JPH2: variants seen among roughly 807,000 people sequenced by gnomAD.
The protein encoded by JPH2 is junctophilin-2.
JPH2 carries 38 observed loss-of-function variants against 55.9 expected under a neutral mutation model. The ratio of observed to expected loss-of-function variants is 0.68; its 90% CI spans 0.52 to 0.89. JPH2 has a LOEUF of 0.89. Ranked by LOEUF, JPH2 falls within the 40% of genes least tolerant of loss-of-function variation. The pLI, the probability that JPH2 is intolerant of heterozygous loss-of-function variation, is 0.00. For missense variants in JPH2, 964 were observed against 1,037.6 expected (o/e 0.93, Z 0.97); for synonymous variants, 480 against 472.4 (o/e 1.02, Z -0.21).
At chr20:44,165,297 A>AAC (rs1555859300) in intron 1 of JPH2, among the ~76,000 whole-genome samples, 4 of 149,414 alleles carry the variant, frequency 2.7e-5, no homozygotes, top group Non-Finnish European at 5.9e-5. Context: ...TCAGGAAAAA[A>AAC]AAAAACAAAA....
At chr20:44,169,078 C>T (rs528823036) in intron 1 of JPH2, among the ~76,000 whole-genome samples, 11 of 152,110 alleles carry the variant, frequency 7.2e-5, no homozygotes, top group Non-Finnish European at 1.6e-4. Context: ...GCCTGAGGCC[C>T]TTATCAGAGG....
intron 2 of JPH2, among the ~76,000 whole-genome samples, chr20:44,120,273 G>A (rs899021623): frequency 6.6e-6 from 1 of 152,138 alleles, no homozygotes; most frequent in East Asian, 1.9e-4. Flanking sequence ...ATGATTGCAT[G>A]GAGCAAAGCC....
At chr20:44,114,945 C>T in intron 4 of JPH2, 69 bp from the exon 5 acceptor site, 1 of 1,224,428 alleles carries the variant, frequency 8.2e-7, no homozygotes, top group Non-Finnish European at 1.2e-6. Flanking sequence ...CAGGTCACAG[C>T]AAGGCTGGAC....
chr20:44,177,897 C>T (rs2072747798), intron 1 of JPH2: 30 of 1,579,700 alleles, frequency 1.9e-5, no homozygotes, highest in Non-Finnish European at 2.4e-5. Flanking sequence ...TTCCTATGTG[C>T]CAGGCATGAT....
intron 2 of JPH2, among the ~76,000 whole-genome samples, chr20:44,125,735 C>T (rs1477837288): frequency 2.0e-5 from 3 of 152,168 alleles, no homozygotes; most frequent in Admixed American, 6.5e-5. Context: ...GTAACTCTGG[C>T]CAGATTGCCC....
At chr20:44,140,213 CTCTTAGGGCA>C (rs2072445563) in intron 2 of JPH2, among the ~76,000 whole-genome samples, 1 of 152,146 alleles carries the variant, frequency 6.6e-6, no homozygotes, top group Admixed American at 6.5e-5. Flanking sequence ...CCAGTAGGGC[CTCTTAGGGCA>C]GGCTTTCTGC....
rs529437119 is a variant in JPH2 at position 44,171,925 on chromosome 20, C to T, written c.380-11518G>A. On this transcript the variant is annotated intron_variant, in intron 1 of 5. Transcript: ENST00000372980. ...GTCTGACTCGCCCACCACAGCATCC[C>T]CAGCACTCCATGCAGGGACTCACAC... Among the ~76,000 whole-genome samples the T allele has an allele frequency of 2.0e-5, 3 of 152,330 alleles. No individual in the cohort carries two copies. The South Asian group carries it at 6.2e-4, about 32-fold the overall frequency.
At chr20:44,123,912 G>C (rs1477220115) in intron 2 of JPH2, among the ~76,000 whole-genome samples, 2 of 152,136 alleles carry the variant, frequency 1.3e-5, no homozygotes, top group East Asian at 3.9e-4. Flanking sequence ...TTAGCACCAG[G>C]GTCCCTCCCT....
chr20:44,133,559 C>T lies in JPH2; in HGVS notation c.1170-14936G>A, dbSNP rs917145947. On this transcript the variant is annotated intron_variant, in intron 2 of 5. Coordinates refer to ENST00000372980, the MANE Select transcript of JPH2 (RefSeq NM_020433.5). ...AAGCCGCATCACCAGCACCTTTGCT[C>T]ACTGGCTTCCAGTGTGCCCAGCCGA... Among the ~76,000 whole-genome samples, 3 of 151,966 alleles carry T rather than the reference C, an allele frequency of 2.0e-5. No individual in the cohort carries two copies. The East Asian group carries it at 5.8e-4, about 29-fold the overall frequency.
chr20:44,153,483 A>C (rs2072544879), intron 2 of JPH2, among the ~76,000 whole-genome samples: 1 of 152,214 alleles, frequency 6.6e-6, no homozygotes, highest in Non-Finnish European at 1.5e-5. Context: ...CAACTCAAAA[A>C]ACCAACTCTA....
At chr20:44,125,882 G>C in intron 2 of JPH2, among the ~76,000 whole-genome samples, 1 of 152,142 alleles carries the variant, frequency 6.6e-6, no homozygotes, top group East Asian at 1.9e-4. Context: ...TCAGAACACA[G>C]GAAGTGCTAC....
intron 1 of JPH2, among the ~76,000 whole-genome samples, chr20:44,175,805 A>G (rs2072729176): frequency 6.6e-6 from 1 of 152,222 alleles, no homozygotes. Flanking sequence ...GCCTTGGGTC[A>G]GCTCAGCAAC....
intron 2 of JPH2, among the ~76,000 whole-genome samples, chr20:44,149,965 A>G (rs944895018): frequency 7.2e-4 from 9 of 12,542 alleles, no homozygotes; most frequent in South Asian, 2.6e-3. Flanking sequence ...CGACAGAGGA[A>G]AAAAAAAAAA....
intron 2 of JPH2, among the ~76,000 whole-genome samples, chr20:44,122,839 A>C (rs1362191060): frequency 6.6e-6 from 1 of 152,150 alleles, no homozygotes; most frequent in African/African-American, 2.4e-5. Context: ...GCACGTGAGT[A>C]TGTGTGAGAC....
chr20:44,149,927 G>A (rs1023584641), intron 2 of JPH2, among the ~76,000 whole-genome samples: 6 of 137,398 alleles, frequency 4.4e-5, no homozygotes, highest in East Asian at 2.1e-4. Flanking sequence ...GCAGTGAGCC[G>A]AGATCATCCA....
chr20:44,166,024 C>G (rs558821861), intron 1 of JPH2, among the ~76,000 whole-genome samples: 1 of 152,188 alleles, frequency 6.6e-6, no homozygotes, highest in Admixed American at 6.5e-5. Context: ...GGCAAGGATT[C>G]TTTTCTTTTT....
rs1193594268 is a variant in JPH2, at chr20:44,109,427, T to G, written c.*4091A>C. On this transcript the variant is annotated 3_prime_UTR_variant, in exon 6 of 6. Transcript: ENST00000372980. ...CCCAGAAAAGTAAGAAAGTTCTAGA[T>G]GTTAAGGGACAGAGCCAAGATTTGA... 2.0e-5 allele frequency among the ~76,000 whole-genome samples: 3 copies of G among 152,200 alleles called. No individual in the cohort carries two copies. Among genetic ancestry groups the G allele is most frequent in the Non-Finnish European group, 4.4e-5 (3 of 68,036 alleles).
intron 2 of JPH2, among the ~76,000 whole-genome samples, chr20:44,133,413 C>A (rs1474667779): frequency 1.3e-5 from 2 of 152,078 alleles, no homozygotes; most frequent in Non-Finnish European, 2.9e-5. Context: ...ACAATCCTAG[C>A]AGGCAGGTAT....
chr20:44,166,166 C>T (rs1324517624), intron 1 of JPH2, among the ~76,000 whole-genome samples: 1 of 152,172 alleles, frequency 6.6e-6, no homozygotes, highest in Non-Finnish European at 1.5e-5. Context: ...TCTGTTTTGT[C>T]CATCTGCAAA....
Sources: gnomAD v4.1 joint callset for allele counts (sites outside exome capture counted in the v4.1 genomes callset) on GRCh38, gnomAD v4.1.1 for gene constraint, MANE v1.5 for transcripts, NCBI Gene and HGNC (gene_info 2026-07-23, HGNC 2026-07-21) for gene names.